Variants in GLIS3 observed in about 807,000 individuals in gnomAD.
GLIS3 encodes the protein GLIS family zinc finger 3, also known as zinc finger protein GLIS3.
In GLIS3, 53 loss-of-function variants were observed where a neutral mutation model predicts 78.6. The observed-to-expected ratio is 0.67, with a 90% CI of 0.54 to 0.85. The LOEUF (loss-of-function observed/expected upper bound fraction) is 0.85, where lower values mean the gene tolerates loss of function less well. Among genes scored for constraint, GLIS3 ranks in the 40% least tolerant of loss-of-function variants. GLIS3 has a pLI of 0.00. For missense variants in GLIS3, 1,703 were observed against 1,231.1 expected (o/e 1.38, Z -5.74); for synonymous variants, 684 against 509.9 (o/e 1.34, Z -4.60).
chr9:4,091,534 C>T (rs1034914244), intron 4 of GLIS3, among the ~76,000 whole-genome samples: 2 of 79,684 alleles, frequency 2.5e-5, no homozygotes, highest in Admixed American at 1.4e-4. Context: ...TGCACACAAA[C>T]ACACACACAC....
chr9:4,222,867 C>T (rs187692616), intron 2 of GLIS3, among the ~76,000 whole-genome samples: 2 of 152,254 alleles, frequency 1.3e-5, no homozygotes, highest in Admixed American at 6.5e-5. Context: ...ATTTCTCGGG[C>T]TGAAATGCTC....
chr9:4,361,012 C>G, the GLIS3 span, among the ~76,000 whole-genome samples: 1 of 152,242 alleles, frequency 6.6e-6, no homozygotes, highest in Admixed American at 6.5e-5. Context: ...TTGACATTTT[C>G]TTTCTGAAAC....
At chr9:4,472,151 G>A in the GLIS3 span, among the ~76,000 whole-genome samples, 11 of 151,982 alleles carry the variant, frequency 7.2e-5, no homozygotes, top group African/African-American at 2.2e-4. Context: ...GCTTTTACAC[G>A]GTTGGTGGGA....
chr9:4,453,977 C>G, the GLIS3 span, among the ~76,000 whole-genome samples: 1 of 151,388 alleles, frequency 6.6e-6, no homozygotes, highest in South Asian at 2.1e-4. Context: ...GCACATGTAC[C>G]CTAGAACTTA....
At chr9:4,387,239 G>C in the GLIS3 span, among the ~76,000 whole-genome samples, 1 of 152,212 alleles carries the variant, frequency 6.6e-6, no homozygotes, top group Non-Finnish European at 1.5e-5. Context: ...TTCTATTTTG[G>C]TTTGGTTTGT....
intron 2 of GLIS3, among the ~76,000 whole-genome samples, chr9:4,146,027 T>A (rs916366732): frequency 6.6e-6 from 1 of 152,226 alleles, no homozygotes; most frequent in Non-Finnish European, 1.5e-5. Context: ...AATTTTAACC[T>A]ATAAAACCTA....
rs775264336 is a variant in GLIS3 at position 4,118,690 on chromosome 9, T to C, written c.788A>G (p.Asn263Ser). The C allele has an allele frequency of 2.0e-5, 32 of 1,613,924 alleles. No individual in the cohort carries two copies. The highest frequency in any genetic ancestry group is 1.6e-4 in the Middle Eastern group (1 of 6,084). Residue 263 changes from asparagine to serine, a missense_variant, in exon 4 of 11, where the codon AAT becomes AGT. By Grantham distance (46) the Asn-to-Ser change is conservative. Transcript: ENST00000381971. This position sits in a 1 kb window ranked among gnomAD's most constrained non-coding sequence, Gnocchi z 4.7. Reference protein sequence around the residue: ...SLPPGTSMSSNSVSNSLPSYL... With the variant: ...SLPPGTSMSSSSVSNSLPSYL... Reference sequence around the variant, plus strand: ...GGATGGTAATGAGTTAGAGACACTATTGCTGGACATGGATGTCCCGGGAGG... The same window carrying C: ...GGATGGTAATGAGTTAGAGACACTACTGCTGGACATGGATGTCCCGGGAGG...
At chr9:4,185,627 G>A (rs1201290430) in intron 2 of GLIS3, among the ~76,000 whole-genome samples, 7 of 152,142 alleles carry the variant, frequency 4.6e-5, no homozygotes, top group Non-Finnish European at 7.3e-5. Flanking sequence ...GGTTTAATAA[G>A]GGGACTAAAT....
chr9:4,113,960 T>C (rs536754633), intron 4 of GLIS3, among the ~76,000 whole-genome samples: 3 of 152,286 alleles, frequency 2.0e-5, no homozygotes, highest in Non-Finnish European at 4.4e-5. Flanking sequence ...TTTTGAACAA[T>C]TCCTTTTTGC....
chr9:4,247,106 G>A (rs1049886478), intron 2 of GLIS3, among the ~76,000 whole-genome samples: 2 of 152,144 alleles, frequency 1.3e-5, no homozygotes, highest in African/African-American at 2.4e-5. Flanking sequence ...TGGTCTTCCT[G>A]AGTTCGGTGC....
At chr9:4,448,355 C>T in the GLIS3 span, among the ~76,000 whole-genome samples, 1 of 152,204 alleles carries the variant, frequency 6.6e-6, no homozygotes, top group Non-Finnish European at 1.5e-5. Flanking sequence ...CTCAGGCAGC[C>T]AGAACCCATC....
At chr9:3,985,585 A>T (rs1215667758) in intron 4 of GLIS3, among the ~76,000 whole-genome samples, 1 of 152,224 alleles carries the variant, frequency 6.6e-6, no homozygotes, top group East Asian at 1.9e-4. Context: ...CTAGAATGTC[A>T]TCTTCTACCA....
chr9:3,853,361 CTCTTGTTCATTAT>C (rs6150896), intron 9 of GLIS3, among the ~76,000 whole-genome samples: 63,476 of 151,686 alleles, frequency 0.42, 14,729 homozygotes, highest in East Asian at 0.74. Context: ...TTTCTGTATC[CTCTTGTTCATTAT>C]TCATTTGTTG....
chr9:4,390,260 A>C, the GLIS3 span, among the ~76,000 whole-genome samples: 2 of 152,264 alleles, frequency 1.3e-5, no homozygotes, highest in Non-Finnish European at 2.9e-5. Context: ...AATCATTCAT[A>C]ATATGCATAG....
chr9:3,900,607 C>T (rs915794612), intron 6 of GLIS3, among the ~76,000 whole-genome samples: 4 of 151,988 alleles, frequency 2.6e-5, no homozygotes, highest in African/African-American at 7.3e-5. Context: ...AATGATTTTA[C>T]CTCAATTTGA....
intron 2 of GLIS3, among the ~76,000 whole-genome samples, chr9:4,212,849 C>T (rs1033369288): frequency 2.0e-5 from 3 of 152,048 alleles, no homozygotes; most frequent in African/African-American, 7.2e-5. Flanking sequence ...GCTTCATAGG[C>T]ACATTAAAGA....
intron 2 of GLIS3, among the ~76,000 whole-genome samples, chr9:4,220,012 C>A (rs1217487795): frequency 6.6e-6 from 1 of 152,158 alleles, no homozygotes; most frequent in Non-Finnish European, 1.5e-5. Context: ...CTCAGAAAAT[C>A]TTTTTGTACC....
chr9:4,443,086 T>C, the GLIS3 span, among the ~76,000 whole-genome samples: 50,877 of 151,926 alleles, frequency 0.33, 8,695 homozygotes, highest in Middle Eastern at 0.45. Flanking sequence ...TTCCCCATCC[T>C]TAATCTTCCT....
rs1003298016 is a variant in GLIS3 at position 3,827,511 on chromosome 9, T to C, written c.*761A>G. 1 of 152,450 alleles carries C rather than the reference T, an allele frequency of 6.6e-6. No homozygotes were observed. Among genetic ancestry groups the C allele is most frequent in the Non-Finnish European group, 1.5e-5 (1 of 68,244 alleles). 9.4% of individuals were successfully genotyped at this position (152,450 alleles called of 1,614,324 possible). A position where few individuals can be genotyped will look rare whatever the true frequency, so the allele number is the denominator to read the frequency against. On this transcript the variant is annotated 3_prime_UTR_variant, in exon 11 of 11. Transcript: ENST00000381971. ...TTTGCTAACTGCAAAACTAACATGC[T>C]AGAGGTGGGGCCAGGCAGAACCACA...
Sources: gnomAD v4.1 joint callset for allele counts (sites outside exome capture counted in the v4.1 genomes callset) on GRCh38, gnomAD v4.1.1 for gene constraint, Gnocchi (gnomAD v3.1) non-coding constraint, MANE v1.5 for transcripts, NCBI Gene and HGNC (gene_info 2026-07-23, HGNC 2026-07-21) for gene names.